AKAP6: variants seen among roughly 807,000 people sequenced by gnomAD.
AKAP6 encodes A-kinase anchor protein 6.
In AKAP6, 58 loss-of-function variants were observed where a neutral mutation model predicts 188.5. The ratio of observed to expected loss-of-function variants is 0.31; its 90% CI spans 0.25 to 0.38. AKAP6 has a LOEUF of 0.38. Among genes scored for constraint, AKAP6 ranks in the 10% least tolerant of loss-of-function variants. The probability of loss-of-function intolerance (pLI) is 1.00; values close to 1 mark genes in which losing one functional copy is unlikely to be tolerated. For synonymous variants in AKAP6, 989 were observed against 998.6 expected (o/e 0.99, Z 0.18); for missense variants, 2,710 against 2,740.0 (o/e 0.99, Z 0.24).
chr14:32,463,106 T>A (rs1891408722), intron 2 of AKAP6, among the ~76,000 whole-genome samples: 1 of 151,800 alleles, frequency 6.6e-6, no homozygotes, highest in Admixed American at 6.6e-5. Context: ...TAAAACAAGT[T>A]TTTAGAGACT....
intron 1 of AKAP6, among the ~76,000 whole-genome samples, chr14:32,372,376 A>T (rs1349976486): frequency 1.3e-5 from 2 of 151,962 alleles, no homozygotes; most frequent in East Asian, 1.9e-4. Flanking sequence ...TAGCAGGCCG[A>T]GGAGGGGATG....
intron 7 of AKAP6, among the ~76,000 whole-genome samples, chr14:32,646,234 G>T (rs1566623739): frequency 1.3e-5 from 2 of 151,922 alleles, no homozygotes. Flanking sequence ...GTGTATCTGA[G>T]AACACCTATA....
intron 7 of AKAP6, among the ~76,000 whole-genome samples, chr14:32,619,421 AAT>A (rs548699021): frequency 2.8e-3 from 427 of 152,236 alleles, no homozygotes; most frequent in African/African-American, 9.9e-3. Context: ...TCCCAGCACC[AAT>A]AGTGTGTTCT....
chr14:32,439,672 G>A (rs1002164329), intron 2 of AKAP6, among the ~76,000 whole-genome samples: 1 of 152,196 alleles, frequency 6.6e-6, no homozygotes, highest in Non-Finnish European at 1.5e-5. Flanking sequence ...AGTCGTGACA[G>A]TGAGCAACAG....
At chr14:32,722,409 G>C (rs1166639420) in intron 9 of AKAP6, among the ~76,000 whole-genome samples, 1 of 152,084 alleles carries the variant, frequency 6.6e-6, no homozygotes, top group Non-Finnish European at 1.5e-5. Flanking sequence ...AGGAAGCAGG[G>C]AAATATTGGG....
intron 4 of AKAP6, among the ~76,000 whole-genome samples, chr14:32,561,739 A>G (rs1019356388): frequency 1.3e-5 from 2 of 152,242 alleles, no homozygotes; most frequent in Non-Finnish European, 2.9e-5. Flanking sequence ...CCAAGAGACC[A>G]GGGCCAGTGG....
At chr14:32,388,088 C>G (rs1888592262) in intron 1 of AKAP6, among the ~76,000 whole-genome samples, 2 of 151,938 alleles carry the variant, frequency 1.3e-5, no homozygotes, top group Admixed American at 6.6e-5. Context: ...TTGTAGCTTT[C>G]CAGGAATTTA....
chr14:32,541,475 C>G (rs1044433002), intron 3 of AKAP6, among the ~76,000 whole-genome samples: 4 of 151,980 alleles, frequency 2.6e-5, no homozygotes, highest in African/African-American at 9.7e-5. Context: ...TATCATGTTC[C>G]CTGCTTGTCC....
chr14:32,535,495 C>T (rs1307378793), intron 2 of AKAP6, 59 bp from the exon 3 acceptor site: 2 of 1,555,584 alleles, frequency 1.3e-6, no homozygotes, highest in African/African-American at 1.4e-5. Flanking sequence ...CTACTACCCT[C>T]ACCTCCCTCC....
At chr14:32,600,917 C>G (rs184740834) in intron 7 of AKAP6, 125 bp downstream of exon 7, 2 of 784,616 alleles carry the variant, frequency 2.5e-6, no homozygotes, top group Admixed American at 3.9e-5. Context: ...ATATCTCTCT[C>G]TATATATATA....
At chr14:32,394,665 C>T (rs1410646125) in intron 1 of AKAP6, among the ~76,000 whole-genome samples, 1 of 152,142 alleles carries the variant, frequency 6.6e-6, no homozygotes, top group Non-Finnish European at 1.5e-5. Context: ...TACTTCTGAA[C>T]TTGGCTGTGC....
chr14:32,511,666 T>C (rs1403942969), intron 2 of AKAP6, among the ~76,000 whole-genome samples: 1 of 152,188 alleles, frequency 6.6e-6, no homozygotes, highest in Non-Finnish European at 1.5e-5. Context: ...TTGTATTAAC[T>C]ATTGATAACC....
chr14:32,551,592 G>A (rs916473780), intron 4 of AKAP6, among the ~76,000 whole-genome samples: 4 of 150,558 alleles, frequency 2.7e-5, no homozygotes, highest in Non-Finnish European at 5.9e-5. Context: ...AAAAAAAAAG[G>A]TGTAATCTGA....
At chr14:32,388,121 G>C (rs1888593561) in intron 1 of AKAP6, among the ~76,000 whole-genome samples, 1 of 152,028 alleles carries the variant, frequency 6.6e-6, no homozygotes, top group African/African-American at 2.4e-5. Context: ...AGGTTTTCTA[G>C]TTTATGTGCA....
intron 7 of AKAP6, among the ~76,000 whole-genome samples, chr14:32,656,096 A>G (rs985430926): frequency 1.6e-4 from 25 of 152,206 alleles, no homozygotes; most frequent in African/African-American, 5.5e-4. Context: ...TAGAATACCA[A>G]CAGAACTAAT....
intron 2 of AKAP6, among the ~76,000 whole-genome samples, chr14:32,531,997 AC>A (rs1228754889): frequency 2.0e-5 from 3 of 152,142 alleles, no homozygotes; most frequent in Non-Finnish European, 4.4e-5. Context: ...TTGGATAAAC[AC>A]CCAGGAGTGG....
At chr14:32,470,960 A>G (rs1178698953) in intron 2 of AKAP6, among the ~76,000 whole-genome samples, 1 of 152,206 alleles carries the variant, frequency 6.6e-6, no homozygotes. Flanking sequence ...TAATCCATCT[A>G]ATAATCTCAA....
chr14:32,667,019 A>G (rs1888973537), intron 7 of AKAP6, among the ~76,000 whole-genome samples: 1 of 152,084 alleles, frequency 6.6e-6, no homozygotes, highest in Non-Finnish European at 1.5e-5. Flanking sequence ...TTTCTGCTAT[A>G]TAAGCAGTCA....
intron 12 of AKAP6, among the ~76,000 whole-genome samples, chr14:32,782,387 G>A (rs545126412): frequency 3.3e-5 from 5 of 152,048 alleles, no homozygotes; most frequent in Admixed American, 6.6e-5. Context: ...ATTCAAAATT[G>A]TATTGGAAGT....
Sources: allele counts gnomAD v4.1 joint callset (sites outside exome capture counted in the v4.1 genomes callset), GRCh38; gene constraint gnomAD v4.1.1; transcripts MANE v1.5; gene names NCBI Gene and HGNC (gene_info 2026-07-23, HGNC 2026-07-21).